Variants in ZNF462 observed in about 807,000 individuals in gnomAD.
The protein encoded by ZNF462 is zinc finger PBX1-interacting protein.
ZNF462 carries 10 observed loss-of-function variants against 201.9 expected under a neutral mutation model. That is an observed-to-expected ratio of 0.05 (90% CI 0.03 to 0.08). ZNF462 has a LOEUF of 0.08. ZNF462 is among the 10% of genes least tolerant of loss of function. ZNF462 has a pLI of 1.00. For missense variants in ZNF462, 2,523 were observed against 3,168.3 expected, an observed-to-expected ratio of 0.80 and a Z score of 4.89; for synonymous variants, 1,227 against 1,193.3, an observed-to-expected ratio of 1.03 and a Z score of -0.58.
chr9:106,942,051 A>G (rs1830896177), intron 7 of ZNF462, among the ~76,000 whole-genome samples: 1 of 152,232 alleles, frequency 6.6e-6, no homozygotes, highest in African/African-American at 2.4e-5. Context: ...TGCCAGGACA[A>G]TGTGAACACA....
At position 106,950,026 on chromosome 9, in the gene ZNF462, G is replaced by A. The variant is rs1215043979; in HGVS notation, c.6427+10919G>A. Among the ~76,000 whole-genome samples the A allele has an allele frequency of 6.6e-6, 1 of 152,052 alleles. No homozygotes were observed. The highest frequency in any genetic ancestry group is 6.5e-5 in the Admixed American group (1 of 15,270). ...GACCAGAGGGTTAGCCGTTTCAAAG[G>A]GGCTTTCTCCAGCATCCTGGTTTCT... On this transcript the variant is annotated intron_variant, in intron 7 of 12. Transcript: ENST00000277225. This position sits in a 1 kb window ranked among gnomAD's most constrained non-coding sequence, Gnocchi z 4.1.
rs183231100 is a variant in ZNF462, at chr9:107,008,173, C to A, written c.7190-1372C>A. On this transcript the variant is annotated intron_variant, in intron 11 of 12. Transcript: ENST00000277225. This position sits in a 1 kb window ranked among gnomAD's most constrained non-coding sequence, Gnocchi z 4.8. Reference sequence around the variant, plus strand: ...TGCAGTTGGGGAGGAGTCAGGAAGGCATTCTGTTGATTTCTTGCCCAAGAT... The same window carrying A: ...TGCAGTTGGGGAGGAGTCAGGAAGGAATTCTGTTGATTTCTTGCCCAAGAT... 3.8e-3 allele frequency among the ~76,000 whole-genome samples: 576 copies of A among 152,276 alleles called. 3 individuals carry two copies. Among genetic ancestry groups the A allele is most frequent in the Middle Eastern group, 0.017 (5 of 294 alleles).
chr9:106,860,185 G>A (rs1256564291), upstream of ZNF462, among the ~76,000 whole-genome samples: 2 of 152,322 alleles, frequency 1.3e-5, no homozygotes, highest in East Asian at 1.9e-4. This position sits in a 1 kb window ranked among gnomAD's most constrained non-coding sequence, Gnocchi z 7.1. Flanking sequence ...CGGCCGGTTC[G>A]GGAGCTTTCT....
chr9:106,863,893 G>C (rs2130741292), intron 1 of ZNF462, among the ~76,000 whole-genome samples: 1 of 152,162 alleles, frequency 6.6e-6, no homozygotes, highest in African/African-American at 2.4e-5. Flanking sequence ...AGAGGAGGGA[G>C]AGCTCCGTGC....
intron 7 of ZNF462, among the ~76,000 whole-genome samples, chr9:106,964,298 G>A (rs1211649065): frequency 6.6e-6 from 1 of 151,980 alleles, no homozygotes; most frequent in African/African-American, 2.4e-5. Context: ...AGCACACAAG[G>A]GTTCCAGTTT....
At chr9:106,996,265 A>G (rs1282081635) in intron 10 of ZNF462, among the ~76,000 whole-genome samples, 1 of 151,642 alleles carries the variant, frequency 6.6e-6, no homozygotes, top group Non-Finnish European at 1.5e-5. Flanking sequence ...GAATAGTGCC[A>G]CAATAAACAT....
rs1303640283 is a variant in ZNF462 at position 106,933,187 on chromosome 9, G to C, written c.6116+638G>C. ...CTTTCTCTTTCAGCCGTGTAAAAGA[G>C]AGATAAATATTCAATAATGCGTTTG... On this transcript the variant is annotated intron_variant, in intron 5 of 12. Transcript: ENST00000277225. This position sits in a 1 kb window ranked among gnomAD's most constrained non-coding sequence, Gnocchi z 4.3. 5.1e-5 allele frequency: 8 copies of C among 155,440 alleles called. No individual in the cohort carries two copies. Among genetic ancestry groups the C allele is most frequent in the Non-Finnish European group, 1.1e-4 (8 of 70,024 alleles). The allele number at this position is 155,440 out of a possible 1,614,324, so 9.6% of individuals were successfully genotyped here. A position where few individuals can be genotyped will look rare whatever the true frequency, so the allele number is the denominator to read the frequency against.
At chr9:106,976,827 C>G (rs1234816391) in intron 9 of ZNF462, among the ~76,000 whole-genome samples, 2 of 152,102 alleles carry the variant, frequency 1.3e-5, no homozygotes, top group African/African-American at 4.8e-5. Context: ...TGACTGTTAT[C>G]CCCCATGATG....
rs1830137265 is a variant in ZNF462 at position 106,925,108 on chromosome 9, A to G, written c.1196A>G (p.Asn399Ser). 6 of 1,614,056 alleles carry G rather than the reference A, an allele frequency of 3.7e-6. No homozygotes were observed. The highest frequency in any genetic ancestry group is 5.1e-6 in the Non-Finnish European group (6 of 1,180,044). ...DEELNEIDSE[N>S]GLSAMDHQTS... The stretch of plus-strand genomic sequence containing the variant: ...GAGTTAAATGAAATAGACAGTGAGA[A>G]TGGTTTAAGTGCTATGGATCACCAG... Residue 399 changes from asparagine to serine, a missense_variant, in exon 3 of 13, where the codon AAT becomes AGT. This residue lies in a region of ZNF462 where 480 missense variants were observed against 544.4 expected (regional missense o/e 0.88). Coordinates refer to ENST00000277225, the MANE Select transcript of ZNF462 (RefSeq NM_021224.6). The surrounding 1 kb of genome is among the most constrained non-coding windows in gnomAD (Gnocchi z 7.9).
Position 106,928,760 on chromosome 9 carries a change from A to T in ZNF462, c.4848A>T (p.Pro1616=). Residue 1616 remains proline, a synonymous_variant, in exon 3 of 13, where the codon CCA becomes CCT. Coordinates refer to ENST00000277225, the MANE Select transcript of ZNF462 (RefSeq NM_021224.6). This position sits in a 1 kb window ranked among gnomAD's most constrained non-coding sequence, Gnocchi z 9.3. ...DVFSQSPPKL[P]VPLEPEMTTE... ...TTTCCCAGTCGCCCCCGAAGCTGCC[A>T]GTCCCCCTCGAGCCCGAGATGACCA... 1 of 1,614,118 alleles carries T rather than the reference A, an allele frequency of 6.2e-7. No individual in the cohort carries two copies. The highest frequency in any genetic ancestry group is 8.5e-7 in the Non-Finnish European group (1 of 1,180,022).
chr9:106,908,078 G>A (rs140352934), intron 1 of ZNF462, among the ~76,000 whole-genome samples: 1 of 151,658 alleles, frequency 6.6e-6, no homozygotes, highest in African/African-American at 2.4e-5. Context: ...TTTTAAATTT[G>A]TAATGTATTA....
At chr9:106,947,092 T>A (rs1448113850) in intron 7 of ZNF462, among the ~76,000 whole-genome samples, 1 of 152,206 alleles carries the variant, frequency 6.6e-6, no homozygotes, top group African/African-American at 2.4e-5. Flanking sequence ...GAGAATCTGC[T>A]TGCTCTCTGC....
chr9:106,904,244 G>T (rs191735069), intron 1 of ZNF462, among the ~76,000 whole-genome samples: 1 of 152,270 alleles, frequency 6.6e-6, no homozygotes, highest in African/African-American at 2.4e-5. Flanking sequence ...TTTGAGGAGA[G>T]TGAAGATAGG....
In ZNF462 at chr9:106,933,754, C is replaced by G. The variant is rs1336450310; in HGVS notation, c.6116+1205C>G. On this transcript the variant is annotated intron_variant, in intron 5 of 12. Coordinates refer to ENST00000277225, the MANE Select transcript of ZNF462 (RefSeq NM_021224.6). This position sits in a 1 kb window ranked among gnomAD's most constrained non-coding sequence, Gnocchi z 4.3. ...AATGTTACATCAGCTTTGGAAGAGT[C>G]AGGAAGGTTTTATGGCATAAGGAGC... Among the ~76,000 whole-genome samples the G allele has an allele frequency of 6.6e-6, 1 of 151,982 alleles. No homozygotes were observed. Among genetic ancestry groups the G allele is most frequent in the African/African-American group, 2.4e-5 (1 of 41,368 alleles).
chr9:106,926,826 A>G lies in ZNF462; in HGVS notation c.2914A>G (p.Thr972Ala), dbSNP rs774192963. The G allele has an allele frequency of 1.2e-6, 2 of 1,614,080 alleles. No homozygotes were observed. Among genetic ancestry groups the G allele is most frequent in the Non-Finnish European group, 1.7e-6 (2 of 1,180,036 alleles). Reference sequence around the variant, plus strand: ...CGTGGAGCAGCAGGAAGGGCTGAATACAGAATCCCAGACCCTGAGGGAGAT... The same window carrying G: ...CGTGGAGCAGCAGGAAGGGCTGAATGCAGAATCCCAGACCCTGAGGGAGAT... The part of the protein sequence containing the change: ...YVVEQQEGLN[T>A]ESQTLREILN... The change falls in exon 3 of 13, where the codon ACA (threonine) becomes GCA (alanine). Residue 972 changes from threonine to alanine, a missense_variant. Coordinates refer to ENST00000277225, the MANE Select transcript of ZNF462 (RefSeq NM_021224.6). This position sits in a 1 kb window ranked among gnomAD's most constrained non-coding sequence, Gnocchi z 7.9.
chr9:106,973,215 T>A (rs2132056344), intron 8 of ZNF462, among the ~76,000 whole-genome samples: 1 of 152,146 alleles, frequency 6.6e-6, no homozygotes, highest in African/African-American at 2.4e-5. Flanking sequence ...AAGCTATTAT[T>A]TTCTGTTCCT....
intron 1 of ZNF462, among the ~76,000 whole-genome samples, chr9:106,882,331 A>G (rs1313020452): frequency 2.6e-5 from 4 of 152,238 alleles, no homozygotes; most frequent in African/African-American, 9.6e-5. Context: ...ATTTTTAAAA[A>G]TGTCATATTG....
At position 106,925,553 on chromosome 9, in the gene ZNF462, A is replaced by G. The variant is rs146183570; in HGVS notation, c.1641A>G (p.Pro547=). 4,627 of 1,610,624 alleles carry G rather than the reference A, an allele frequency of 2.9e-3. 110 individuals carry two copies. In the African/African-American group the frequency reaches 0.05, roughly 18 times the overall value. The change falls in exon 3 of 13, where the codon CCA becomes CCG. Residue 547 remains proline, a synonymous_variant. Coordinates refer to ENST00000277225, the MANE Select transcript of ZNF462 (RefSeq NM_021224.6). This position sits in a 1 kb window ranked among gnomAD's most constrained non-coding sequence, Gnocchi z 7.9. ...LQQQQPPQPP[P]PPPPPPPSQP... is the part of the protein sequence containing the mutation. ...AGCAACAGCCACCGCAGCCACCACCACCGCCGCCGCCACCACCACCATCAC... is the reference window on the plus strand; with the variant it reads ...AGCAACAGCCACCGCAGCCACCACCGCCGCCGCCGCCACCACCACCATCAC...
At position 106,990,392 on chromosome 9, in the gene ZNF462, G is replaced by T. The variant is rs142768762; in HGVS notation, c.7056+5983G>T. Among the ~76,000 whole-genome samples the T allele has an allele frequency of 5.1e-4, 77 of 152,102 alleles. 1 individual carries two copies. The East Asian group carries it at 0.015, about 29-fold the overall frequency. On this transcript the variant is annotated intron_variant, in intron 10 of 12. Coordinates refer to ENST00000277225, the MANE Select transcript of ZNF462 (RefSeq NM_021224.6). Reference sequence around the variant, plus strand: ...CACTGTTGAATAGAATGTGTATTCTGTGGTTGTTGGATGGAATGTTCTGTA... The same window carrying T: ...CACTGTTGAATAGAATGTGTATTCTTTGGTTGTTGGATGGAATGTTCTGTA...
Sources: gnomAD v4.1 joint callset for allele counts (sites outside exome capture counted in the v4.1 genomes callset) on GRCh38, gnomAD v4.1.1 for gene constraint, gnomAD v4.1.1 regional missense constraint, Gnocchi (gnomAD v3.1) non-coding constraint, MANE v1.5 for transcripts, NCBI Gene and HGNC (gene_info 2026-07-23, HGNC 2026-07-21) for gene names.